PTPRG: variants seen among roughly 807,000 people sequenced by gnomAD.
The protein encoded by PTPRG is protein tyrosine phosphatase receptor type G, also known as receptor-type tyrosine-protein phosphatase gamma.
Under a neutral mutation model 165.3 loss-of-function variants are expected in PTPRG, and 102 were observed. The observed-to-expected ratio is 0.62, with a 90% CI of 0.53 to 0.73. The LOEUF (loss-of-function observed/expected upper bound fraction) is 0.73, where lower values mean the gene tolerates loss of function less well. PTPRG is among the 30% of genes least tolerant of loss of function. PTPRG has a pLI of 0.00. For missense variants in PTPRG, 1,866 were observed against 1,861.4 expected (o/e 1.00, Z -0.05); for synonymous variants, 675 against 669.5 (o/e 1.01, Z -0.13).
intron 1 of PTPRG, among the ~76,000 whole-genome samples, chr3:61,584,910 G>T (rs1403938062): frequency 6.6e-6 from 1 of 152,142 alleles, no homozygotes; most frequent in Admixed American, 6.5e-5. Context: ...GTTTGAATGG[G>T]ATGTCATTCT....
intron 7 of PTPRG, among the ~76,000 whole-genome samples, chr3:62,158,060 C>T (rs1426910487): frequency 6.6e-6 from 1 of 152,168 alleles, no homozygotes; most frequent in Non-Finnish European, 1.5e-5. Context: ...TGTACTGCTT[C>T]CTTCTGAGTG....
intron 5 of PTPRG, among the ~76,000 whole-genome samples, chr3:62,110,539 T>TA (rs34522053): frequency 1.1e-3 from 160 of 143,144 alleles, no homozygotes; most frequent in Middle Eastern, 0.011. Context: ...GTAGATGCTT[T>TA]AAAAAAAAAA....
intron 2 of PTPRG, among the ~76,000 whole-genome samples, chr3:61,988,672 C>T (rs1299905869): frequency 1.3e-5 from 2 of 152,050 alleles, no homozygotes; most frequent in Non-Finnish European, 2.9e-5. Flanking sequence ...AAGTTTTTTT[C>T]TTATCTAATT....
chr3:61,791,054 A>G (rs900251430), intron 2 of PTPRG, among the ~76,000 whole-genome samples: 6 of 152,210 alleles, frequency 3.9e-5, no homozygotes, highest in Non-Finnish European at 5.9e-5. Context: ...CAATAGTCTA[A>G]TCAATGGTTG....
Position 61,830,554 on chromosome 3 carries a change from CTTTTTG to C in PTPRG, c.190+81584_190+81589del, listed in dbSNP as rs1472879002. 3.9e-3 allele frequency among the ~76,000 whole-genome samples: 452 copies of C among 115,506 alleles called. 2 individuals carry two copies. The highest frequency in any genetic ancestry group is 0.019 in the South Asian group (72 of 3,780). 75.8% of individuals were successfully genotyped at this position (115,506 alleles called of 152,430 possible). ...GACTTACTTAAAACTGGTGATGGTT[CTTTTTG>C]TTTTTGTTTTTTTTTTTTTTTTTTT... On this transcript the variant is annotated intron_variant, in intron 2 of 29. Coordinates refer to ENST00000474889, the MANE Select transcript of PTPRG (RefSeq NM_002841.4).
chr3:61,732,730 A>G (rs896700330), intron 1 of PTPRG, among the ~76,000 whole-genome samples: 3 of 114,154 alleles, frequency 2.6e-5, no homozygotes, highest in Admixed American at 1.0e-4. Context: ...ATAAATAAAT[A>G]AATAAATAAA....
chr3:62,053,886 C>T (rs2106662444), intron 4 of PTPRG, among the ~76,000 whole-genome samples: 1 of 152,244 alleles, frequency 6.6e-6, no homozygotes, highest in Non-Finnish European at 1.5e-5. Flanking sequence ...TCATGCAGTG[C>T]AAAATTTTTT....
In PTPRG at chr3:61,561,831, C is replaced by T. The variant is rs1485094494; in HGVS notation, c.-457C>T. The T allele has an allele frequency of 1.3e-5, 2 of 153,930 alleles. No homozygotes were observed. The highest frequency in any genetic ancestry group is 6.5e-5 in the Admixed American group (1 of 15,300). The allele number at this position is 153,930 out of a possible 1,614,324, so 9.5% of individuals were successfully genotyped here. On this transcript the variant is annotated 5_prime_UTR_variant, in exon 1 of 30. Coordinates refer to ENST00000474889, the MANE Select transcript of PTPRG (RefSeq NM_002841.4). The stretch of plus-strand genomic sequence containing the variant: ...CTTCCCGGGGCCCTGGAAGGAGCTG[C>T]CTGCCTGAAGCCCGGAGACGCCGCG...
chr3:62,099,020 G>A (rs1043456629), intron 5 of PTPRG, among the ~76,000 whole-genome samples: 3 of 152,174 alleles, frequency 2.0e-5, no homozygotes, highest in African/African-American at 7.2e-5. Context: ...TTAGAATTTA[G>A]AGTTGTTTGA....
chr3:61,813,755 C>T lies in PTPRG; in HGVS notation c.190+64773C>T, dbSNP rs571415025. The stretch of plus-strand genomic sequence containing the variant: ...TTCTAACAAGCCTATGATGAAGGGG[C>T]TGTTAATATTCTCATGTGACAAAAG... On this transcript the variant is annotated intron_variant, in intron 2 of 29. Coordinates refer to ENST00000474889, the MANE Select transcript of PTPRG (RefSeq NM_002841.4). Among the ~76,000 whole-genome samples the T allele has an allele frequency of 3.3e-5, 5 of 151,974 alleles. No homozygotes were observed. In the East Asian group the frequency reaches 9.7e-4, roughly 29 times the overall value.
intron 2 of PTPRG, among the ~76,000 whole-genome samples, chr3:61,898,009 TTTC>T: frequency 6.6e-6 from 1 of 152,286 alleles, no homozygotes; most frequent in Middle Eastern, 3.4e-3. Flanking sequence ...GATAGTTTTA[TTTC>T]TTCTTTTTTT....
chr3:61,654,909 G>C (rs1363322266), intron 1 of PTPRG, among the ~76,000 whole-genome samples: 3 of 151,148 alleles, frequency 2.0e-5, no homozygotes, highest in African/African-American at 7.3e-5. Flanking sequence ...AGCCTCCTGA[G>C]TAGCTAGGAT....
chr3:61,968,825 G>C (rs1179718196), intron 2 of PTPRG, among the ~76,000 whole-genome samples: 1 of 152,188 alleles, frequency 6.6e-6, no homozygotes, highest in African/African-American at 2.4e-5. Flanking sequence ...TCATGGGACT[G>C]TGGAAAGAAA....
intron 4 of PTPRG, among the ~76,000 whole-genome samples, chr3:62,042,454 TTTCAGGTATTACTCATCTCTGATTCCAG>T (rs1167801962): frequency 9.2e-5 from 14 of 152,356 alleles, no homozygotes; most frequent in African/African-American, 3.4e-4. Flanking sequence ...GACAGACTTA[TTTCAGGTATTACTCATCTCTGATTCCAG>T]GTCTCACCTT....
intron 2 of PTPRG, among the ~76,000 whole-genome samples, chr3:61,898,994 G>A (rs2038432413): frequency 1.3e-5 from 2 of 152,100 alleles, no homozygotes; most frequent in Admixed American, 1.3e-4. Flanking sequence ...CTGTAGCCTT[G>A]AGTTCTTGGG....
intron 2 of PTPRG, among the ~76,000 whole-genome samples, chr3:61,923,967 A>C (rs778900594): frequency 6.6e-5 from 10 of 152,274 alleles, no homozygotes; most frequent in Non-Finnish European, 1.2e-4. Context: ...CCATTATACT[A>C]TTTGCTATAA....
At chr3:61,790,600 AT>A (rs1204274161) in intron 2 of PTPRG, among the ~76,000 whole-genome samples, 3 of 152,170 alleles carry the variant, frequency 2.0e-5, no homozygotes, top group African/African-American at 7.2e-5. Flanking sequence ...TACTTTCCCT[AT>A]GTATACACAT....
chr3:62,181,600 A>C (rs539512139), intron 8 of PTPRG, among the ~76,000 whole-genome samples: 1 of 152,182 alleles, frequency 6.6e-6, no homozygotes, highest in South Asian at 2.1e-4. Flanking sequence ...AAAAGCGTGT[A>C]ATTATATATG....
At chr3:61,720,053 C>G (rs549839751) in intron 1 of PTPRG, among the ~76,000 whole-genome samples, 22 of 152,252 alleles carry the variant, frequency 1.4e-4, no homozygotes, top group Admixed American at 5.2e-4. Context: ...ATATGTTTTA[C>G]TTTATCTTGT....
Sources: gnomAD v4.1 joint callset for allele counts (sites outside exome capture counted in the v4.1 genomes callset) on GRCh38, gnomAD v4.1.1 for gene constraint, MANE v1.5 for transcripts, NCBI Gene and HGNC (gene_info 2026-07-23, HGNC 2026-07-21) for gene names.